RSRC1: variants seen among roughly 807,000 people sequenced by gnomAD.
The protein encoded by RSRC1 is arginine and serine rich coiled-coil 1.
A neutral mutation model predicts 49.1 loss-of-function variants in RSRC1; 39 were observed. That is an observed-to-expected ratio of 0.79 (90% confidence interval 0.61 to 1.04). The LOEUF (loss-of-function observed/expected upper bound fraction) is 1.04, where lower values mean the gene tolerates loss of function less well. Among genes scored for constraint, RSRC1 ranks in the 50% least tolerant of loss-of-function variants. The pLI is 0.00. For missense variants in RSRC1, 388 were observed against 402.4 expected (o/e 0.96, Z 0.31); for synonymous variants, 143 against 130.8 (o/e 1.09, Z -0.63).
chr3:158,365,671 G>T (rs1327778366), intron 6 of RSRC1, among the ~76,000 whole-genome samples: 2 of 152,230 alleles, frequency 1.3e-5, no homozygotes, highest in Non-Finnish European at 1.5e-5. Flanking sequence ...CCAGTAATGG[G>T]ATTGCTGGGT....
At chr3:158,209,099 C>G (rs1357096978) in intron 4 of RSRC1, among the ~76,000 whole-genome samples, 1 of 152,134 alleles carries the variant, frequency 6.6e-6, no homozygotes, top group Non-Finnish European at 1.5e-5. Context: ...TTTAAATCAC[C>G]AGCTAGGAAA....
At chr3:158,286,122 G>A (rs1018444534) in intron 4 of RSRC1, among the ~76,000 whole-genome samples, 8 of 152,202 alleles carry the variant, frequency 5.3e-5, no homozygotes, top group Non-Finnish European at 1.0e-4. Flanking sequence ...ACCAGGTTCA[G>A]CTAGTGTTTA....
intron 4 of RSRC1, among the ~76,000 whole-genome samples, chr3:158,227,610 G>C (rs1008261793): frequency 1.3e-5 from 2 of 151,990 alleles, no homozygotes; most frequent in African/African-American, 4.8e-5. Context: ...AACAGGCAAA[G>C]GTAGTTTGAA....
At chr3:158,180,419 C>T (rs867416899) in intron 3 of RSRC1, among the ~76,000 whole-genome samples, 12 of 40,782 alleles carry the variant, frequency 2.9e-4, no homozygotes, top group African/African-American at 9.0e-4. Context: ...TTTTTTTTGC[C>T]GTGTGTGTGT....
intron 3 of RSRC1, among the ~76,000 whole-genome samples, chr3:158,178,810 C>T (rs888321763): frequency 2.0e-5 from 3 of 152,018 alleles, no homozygotes; most frequent in Non-Finnish European, 4.4e-5. Context: ...CAGTTTGCTT[C>T]TGTTTGTTTC....
intron 7 of RSRC1, among the ~76,000 whole-genome samples, chr3:158,486,165 A>C (rs1273430168): frequency 1.3e-5 from 2 of 152,174 alleles, no homozygotes; most frequent in African/African-American, 2.4e-5. Context: ...TTAAATGTTC[A>C]TTCCTCTCCC....
intron 6 of RSRC1, among the ~76,000 whole-genome samples, chr3:158,426,520 A>G (rs1271386587): frequency 1.3e-5 from 2 of 151,716 alleles, no homozygotes; most frequent in Non-Finnish European, 3.0e-5. Flanking sequence ...CCAGACTGCC[A>G]AAAATCAAAA....
intron 3 of RSRC1, among the ~76,000 whole-genome samples, chr3:158,128,210 C>T (rs1715757894): frequency 6.6e-6 from 1 of 152,184 alleles, no homozygotes; most frequent in Admixed American, 6.5e-5. Context: ...GAATGTTGGA[C>T]TTACATTCCA....
chr3:158,194,986 G>A (rs1720490045), intron 3 of RSRC1, among the ~76,000 whole-genome samples: 1 of 152,144 alleles, frequency 6.6e-6, no homozygotes, highest in Non-Finnish European at 1.5e-5. Context: ...ATAGCAGCAT[G>A]ATTTATAATC....
intron 3 of RSRC1, among the ~76,000 whole-genome samples, chr3:158,132,871 T>C (rs1716131942): frequency 2.6e-5 from 4 of 152,186 alleles, no homozygotes; most frequent in Admixed American, 2.6e-4. Context: ...GGCAACTCTA[T>C]TAGAAAATGA....
intron 3 of RSRC1, among the ~76,000 whole-genome samples, chr3:158,168,143 C>T (rs7617503): frequency 0.63 from 95,903 of 152,020 alleles, 30,877 homozygotes; most frequent in East Asian, 0.73. Context: ...ACAATAGCAG[C>T]GTTGGATAGT....
At chr3:158,316,010 A>G (rs1454428368) in intron 5 of RSRC1, among the ~76,000 whole-genome samples, 3 of 152,004 alleles carry the variant, frequency 2.0e-5, no homozygotes, top group Admixed American at 6.6e-5. Context: ...CGTCTCCACT[A>G]AAAATAAAAA....
At chr3:158,386,177 T>G (rs997615109) in intron 6 of RSRC1, among the ~76,000 whole-genome samples, 9 of 152,176 alleles carry the variant, frequency 5.9e-5, no homozygotes, top group African/African-American at 1.7e-4. Context: ...AAAAAAGGCA[T>G]TTTTTAAAAA....
At chr3:158,275,891 T>C (rs185618517) in intron 4 of RSRC1, 10 of 665,650 alleles carry the variant, frequency 1.5e-5, no homozygotes, top group Admixed American at 6.1e-5. Context: ...GTGGAACTTA[T>C]GGCCCTTTCA....
At chr3:158,169,443 T>C (rs551506376) in intron 3 of RSRC1, among the ~76,000 whole-genome samples, 3 of 152,300 alleles carry the variant, frequency 2.0e-5, no homozygotes, top group African/African-American at 7.2e-5. Flanking sequence ...TTCTGGCTTC[T>C]GGCCAGAAGC....
chr3:158,194,290 G>T (rs1230127753), intron 3 of RSRC1, among the ~76,000 whole-genome samples: 1 of 150,092 alleles, frequency 6.7e-6, no homozygotes, highest in Non-Finnish European at 1.5e-5. Context: ...ATAAATAAAG[G>T]AATGAAGAAA....
chr3:158,527,365 G>A (rs1214402561), intron 7 of RSRC1, among the ~76,000 whole-genome samples: 2 of 151,872 alleles, frequency 1.3e-5, no homozygotes, highest in Admixed American at 1.3e-4. Context: ...GAGAGTTGGA[G>A]ATTTTTTTTT....
intron 4 of RSRC1, among the ~76,000 whole-genome samples, chr3:158,238,352 A>G (rs1309258422): frequency 1.3e-5 from 2 of 152,040 alleles, no homozygotes; most frequent in African/African-American, 4.8e-5. Context: ...TCTTCACAGA[A>G]TTGGAAAAAA....
chr3:158,118,228 G>A (rs915877723), intron 1 of RSRC1, among the ~76,000 whole-genome samples: 21 of 152,088 alleles, frequency 1.4e-4, no homozygotes, highest in African/African-American at 5.1e-4. Context: ...GGGATTACAG[G>A]CGTGAGCCAC....
Sources: allele counts gnomAD v4.1 joint callset (sites outside exome capture counted in the v4.1 genomes callset), GRCh38; gene constraint gnomAD v4.1.1; transcripts MANE v1.5; gene names NCBI Gene and HGNC (gene_info 2026-07-23, HGNC 2026-07-21).